Variants in SLC14A1 observed in about 807,000 individuals in gnomAD.
SLC14A1 encodes the protein solute carrier family 14 member 1 (Kidd blood group).
SLC14A1 carries 36 observed loss-of-function variants against 39.6 expected under a neutral mutation model. The ratio of observed to expected loss-of-function variants is 0.91; its 90% CI spans 0.70 to 1.20. The LOEUF (loss-of-function observed/expected upper bound fraction) is 1.20, where lower values mean the gene tolerates loss of function less well. SLC14A1 is among the 50% of genes most tolerant of loss of function. SLC14A1 has a pLI of 0.00. For missense variants in SLC14A1, 469 were observed against 478.7 expected (o/e 0.98, Z 0.19); for synonymous variants, 164 against 173.6 (o/e 0.94, Z 0.43).
Position 45,751,712 on chromosome 18 carries a change from C to A in SLC14A1, c.*1761C>A, listed in dbSNP as rs568189608. The A allele has an allele frequency of 3.0e-5, 14 of 461,960 alleles. No individual in the cohort carries two copies. Among genetic ancestry groups the A allele is most frequent in the Non-Finnish European group, 3.7e-5 (13 of 352,956 alleles). 28.6% of individuals were successfully genotyped at this position (461,960 alleles called of 1,614,324 possible). ...GAAAGATCGCTTGTGCACAGAAGTT[C>A]GAGGCTGCAGTGAGCTATATGATCA... On this transcript the variant is annotated 3_prime_UTR_variant, in exon 10 of 10. Transcript: ENST00000321925.
intron 8 of SLC14A1, chr18:45,747,046 C>A (rs2047563870): frequency 1.3e-5 from 2 of 152,196 alleles, no homozygotes; most frequent in African/African-American, 4.8e-5. Flanking sequence ...GGACAGAAGT[C>A]TATGGTAAAG....
intron 7 of SLC14A1, 55 bp from the exon 8 acceptor site, chr18:45,739,473 C>A: frequency 6.2e-7 from 1 of 1,612,910 alleles, no homozygotes. Flanking sequence ...CCCTCAGTTT[C>A]CTTCCAGAAC....
At chr18:45,740,723 A>G (rs532267256) in intron 8 of SLC14A1, among the ~76,000 whole-genome samples, 1 of 152,096 alleles carries the variant, frequency 6.6e-6, no homozygotes, top group African/African-American at 2.4e-5. Context: ...TTTTTTATAG[A>G]GATGGGGTCT....
At position 45,751,603 on chromosome 18, in the gene SLC14A1, C is replaced by A. The variant is rs1599340731; in HGVS notation, c.*1652C>A. The A allele has an allele frequency of 1.4e-6, 1 of 710,538 alleles. No individual in the cohort carries two copies. Among genetic ancestry groups the A allele is most frequent in the Non-Finnish European group, 1.7e-6 (1 of 579,790 alleles). 44.0% of individuals were successfully genotyped at this position (710,538 alleles called of 1,614,324 possible). A position where few individuals can be genotyped will look rare whatever the true frequency, so the allele number is the denominator to read the frequency against. On this transcript the variant is annotated 3_prime_UTR_variant, in exon 10 of 10. Transcript: ENST00000321925. ...GACCAGCTTGGGCAACATAGCAAGA[C>A]TCCATCTCTTAAAAAATAAAAATAG...
chr18:45,746,181 C>A (rs1048071106), intron 8 of SLC14A1, among the ~76,000 whole-genome samples: 13 of 152,308 alleles, frequency 8.5e-5, no homozygotes, highest in Middle Eastern at 3.4e-3. Context: ...GTGGGACTCA[C>A]CTGTGGCAGT....
chr18:45,744,104 C>A (rs2047473085), intron 8 of SLC14A1, among the ~76,000 whole-genome samples: 1 of 152,118 alleles, frequency 6.6e-6, no homozygotes, highest in African/African-American at 2.4e-5. Context: ...CCTCCACCTC[C>A]TGGGTTCAAG....
chr18:45,740,406 G>C (rs972973053), intron 8 of SLC14A1, among the ~76,000 whole-genome samples: 1 of 151,786 alleles, frequency 6.6e-6, no homozygotes, highest in Non-Finnish European at 1.5e-5. Flanking sequence ...CTGATTCAGC[G>C]TCAGAGATAA....
chr18:45,730,057 T>A (rs956473182), intron 2 of SLC14A1: 1 of 430,194 alleles, frequency 2.3e-6, no homozygotes, highest in Non-Finnish European at 4.1e-6. Context: ...GACCAGACAC[T>A]GCACCTTATG....
intron 8 of SLC14A1, 83 bp downstream of exon 8, chr18:45,739,745 G>T (rs2047304178): frequency 1.3e-6 from 2 of 1,585,284 alleles, no homozygotes; most frequent in Admixed American, 1.7e-5. Flanking sequence ...CGGACTGCAT[G>T]AAAAATCAGG....
intron 8 of SLC14A1, among the ~76,000 whole-genome samples, chr18:45,742,796 G>A (rs1216846977): frequency 6.7e-6 from 1 of 149,090 alleles, no homozygotes; most frequent in African/African-American, 2.6e-5. Flanking sequence ...CAATTCTTCT[G>A]CCTCAGCCTC....
At chr18:45,725,756 G>C (rs1239625679) in intron 2 of SLC14A1, among the ~76,000 whole-genome samples, 1 of 152,208 alleles carries the variant, frequency 6.6e-6, no homozygotes, top group Non-Finnish European at 1.5e-5. Flanking sequence ...CGTACTGAGT[G>C]AATCTGGATG....
intron 8 of SLC14A1, among the ~76,000 whole-genome samples, chr18:45,743,637 A>C (rs2047456810): frequency 6.6e-6 from 1 of 152,252 alleles, no homozygotes; most frequent in Admixed American, 6.5e-5. Flanking sequence ...TGATTAAGTT[A>C]GTTAATGCAT....
chr18:45,751,650 G>A lies in SLC14A1; in HGVS notation c.*1699G>A. 2.2e-6 allele frequency: 1 copy of A among 451,332 alleles called. No homozygotes were observed. The highest frequency in any genetic ancestry group is 2.9e-6 in the Non-Finnish European group (1 of 342,394). 28.0% of individuals were successfully genotyped at this position (451,332 alleles called of 1,614,324 possible). ...ATAGTAACATTAGCCAGGTGTAGCAGCACACATCTGCAGCAGCTACTCAGG... is the reference window on the plus strand; with the variant it reads ...ATAGTAACATTAGCCAGGTGTAGCAACACACATCTGCAGCAGCTACTCAGG... On this transcript the variant is annotated 3_prime_UTR_variant, in exon 10 of 10. Coordinates refer to ENST00000321925, the MANE Select transcript of SLC14A1 (RefSeq NM_015865.7).
chr18:45,730,563 C>T, intron 3 of SLC14A1, 92 bp downstream of exon 3: 1 of 1,373,432 alleles, frequency 7.3e-7, no homozygotes, highest in South Asian at 1.2e-5. Context: ...TAGTTATATT[C>T]TCCAACTTTT....
rs1194739021 is a variant in SLC14A1, at chr18:45,751,945, A to G, written c.*1994A>G. On this transcript the variant is annotated 3_prime_UTR_variant, in exon 10 of 10. Coordinates refer to ENST00000321925, the MANE Select transcript of SLC14A1 (RefSeq NM_015865.7). ...TAGTTTGCAGTGCTCAGTGCACAAT[A>G]TACATTTTGCTGAATGAATAAACAG... The G allele has an allele frequency of 7.1e-6, 7 of 985,366 alleles. No homozygotes were observed. The highest frequency in any genetic ancestry group is 2.3e-4 in the East Asian group (2 of 8,812). The allele number at this position is 985,366 out of a possible 1,614,324, so 61.0% of individuals were successfully genotyped here.
At position 45,738,332 on chromosome 18, in the gene SLC14A1, G is replaced by A. The variant is rs2047257924; in HGVS notation, c.664-831G>A. 2.0e-5 allele frequency among the ~76,000 whole-genome samples: 3 copies of A among 152,216 alleles called. 1 individual carries two copies. The South Asian group carries it at 6.2e-4, about 32-fold the overall frequency. On this transcript the variant is annotated intron_variant, in intron 6 of 9. Coordinates refer to ENST00000321925, the MANE Select transcript of SLC14A1 (RefSeq NM_015865.7). ...TCAGTAAATGGCCTTGCTCAAAAGG[G>A]ACATGCTATGGCTAATTATGCCTAT... is the stretch of plus-strand genomic sequence containing the variant.
At chr18:45,726,316 A>G (rs961570849) in intron 2 of SLC14A1, among the ~76,000 whole-genome samples, 1 of 152,256 alleles carries the variant, frequency 6.6e-6, no homozygotes, top group African/African-American at 2.4e-5. Context: ...GAAAGTAAAA[A>G]CAGAATAAAC....
chr18:45,740,884 C>G (rs1167623876), intron 8 of SLC14A1, among the ~76,000 whole-genome samples: 4 of 152,162 alleles, frequency 2.6e-5, no homozygotes, highest in Non-Finnish European at 5.9e-5. Context: ...TGCTGTTGCT[C>G]TCAGGATCAC....
At chr18:45,744,747 T>A (rs2047494378) in intron 8 of SLC14A1, among the ~76,000 whole-genome samples, 1 of 152,216 alleles carries the variant, frequency 6.6e-6, no homozygotes, top group South Asian at 2.1e-4. Context: ...ATCTTTTCAA[T>A]TTTTCCCCTC....
Sources: gnomAD v4.1 joint callset for allele counts (sites outside exome capture counted in the v4.1 genomes callset) on GRCh38, gnomAD v4.1.1 for gene constraint, MANE v1.5 for transcripts, NCBI Gene and HGNC (gene_info 2026-07-23, HGNC 2026-07-21) for gene names.